Variants in TMEM178B observed in about 807,000 individuals in gnomAD.
TMEM178B encodes transmembrane protein 178B.
In TMEM178B, 5 loss-of-function variants were observed where a neutral mutation model predicts 31.0. That is an observed-to-expected ratio of 0.16 (90% CI 0.08 to 0.34). TMEM178B has a LOEUF of 0.34. Ranked by LOEUF, TMEM178B falls within the 10% of genes least tolerant of loss-of-function variation. The pLI is 1.00. For synonymous variants in TMEM178B, 164 were observed against 164.0 expected (o/e 1.00, Z 0.00); for missense variants, 275 against 400.3 (o/e 0.69, Z 2.67).
At chr7:141,148,955 C>T (rs1795905788) in intron 1 of TMEM178B, among the ~76,000 whole-genome samples, 1 of 152,110 alleles carries the variant, frequency 6.6e-6, no homozygotes, top group Non-Finnish European at 1.5e-5. Context: ...TGGTCCTTAG[C>T]TTGTCAGAGA....
chr7:141,079,218 T>C (rs1309158865), intron 1 of TMEM178B, among the ~76,000 whole-genome samples: 1 of 151,940 alleles, frequency 6.6e-6, no homozygotes, highest in Non-Finnish European at 1.5e-5. Context: ...ACCTAGGAGG[T>C]AGAGGTTGCG....
chr7:141,122,572 AT>A (rs1795427293), intron 1 of TMEM178B, among the ~76,000 whole-genome samples: 1 of 152,254 alleles, frequency 6.6e-6, no homozygotes, highest in Admixed American at 6.5e-5. Flanking sequence ...GACCACCAGC[AT>A]CGTGGGAGAT....
chr7:141,427,380 G>A (rs1801338113), intron 2 of TMEM178B, among the ~76,000 whole-genome samples: 1 of 152,150 alleles, frequency 6.6e-6, no homozygotes, highest in African/African-American at 2.4e-5. Context: ...GAACAGAATA[G>A]AGAGCCCAGA....
At chr7:141,123,625 T>C (rs552205867) in intron 1 of TMEM178B, among the ~76,000 whole-genome samples, 7 of 152,290 alleles carry the variant, frequency 4.6e-5, no homozygotes, top group Non-Finnish European at 1.0e-4. Context: ...GCTTCCTTCA[T>C]TGGTAGTGGG....
chr7:141,158,482 A>T (rs149973831), intron 1 of TMEM178B, among the ~76,000 whole-genome samples: 390 of 152,282 alleles, frequency 2.6e-3, no homozygotes, highest in African/African-American at 8.9e-3. Flanking sequence ...TTATATCCGG[A>T]TGTTGCTAAG....
At chr7:141,315,576 T>TA (rs1279932590) in intron 2 of TMEM178B, among the ~76,000 whole-genome samples, 2 of 152,244 alleles carry the variant, frequency 1.3e-5, no homozygotes, top group South Asian at 2.1e-4. Flanking sequence ...TCAACACTGA[T>TA]ACTCTGCACT....
At chr7:141,167,560 A>G (rs930923844) in intron 1 of TMEM178B, among the ~76,000 whole-genome samples, 1 of 152,162 alleles carries the variant, frequency 6.6e-6, no homozygotes, top group African/African-American at 2.4e-5. Flanking sequence ...GATCTATGTC[A>G]CTGACATCCC....
intron 2 of TMEM178B, among the ~76,000 whole-genome samples, chr7:141,233,560 A>G (rs1797480318): frequency 6.6e-6 from 1 of 152,152 alleles, no homozygotes; most frequent in Non-Finnish European, 1.5e-5. Context: ...GTTAAGAGCT[A>G]GACTGGGGGT....
intron 2 of TMEM178B, among the ~76,000 whole-genome samples, chr7:141,252,236 CA>C (rs1797845308): frequency 6.6e-6 from 1 of 152,100 alleles, no homozygotes; most frequent in Admixed American, 6.6e-5. Context: ...GGGAAGGTTG[CA>C]AAAGAGAAGG....
chr7:141,485,117 A>G (rs1380944049), downstream of TMEM178B, among the ~76,000 whole-genome samples: 1 of 152,152 alleles, frequency 6.6e-6, no homozygotes, highest in Non-Finnish European at 1.5e-5. Context: ...ATGGGTTTCA[A>G]TCACCACAGG....
intron 1 of TMEM178B, among the ~76,000 whole-genome samples, chr7:141,170,447 C>T (rs1210593072): frequency 6.6e-6 from 1 of 152,182 alleles, no homozygotes; most frequent in Non-Finnish European, 1.5e-5. Flanking sequence ...GCCATGAGAT[C>T]ATGGGTAAGT....
chr7:141,181,260 G>T (rs1323464388), intron 1 of TMEM178B, among the ~76,000 whole-genome samples: 2 of 152,184 alleles, frequency 1.3e-5, no homozygotes, highest in Non-Finnish European at 2.9e-5. Context: ...TAAGCCCTTT[G>T]AGGCCTCAAC....
At chr7:141,305,583 A>G (rs916580930) in intron 2 of TMEM178B, among the ~76,000 whole-genome samples, 3 of 151,996 alleles carry the variant, frequency 2.0e-5, no homozygotes, top group Non-Finnish European at 1.5e-5. Flanking sequence ...GAGTGCCACC[A>G]TGCCCAGCTA....
rs1353139042 is a variant in TMEM178B, at chr7:141,478,427, C to T, written c.*7641C>T. The T allele has an allele frequency of 6.6e-6, 1 of 152,176 alleles. No individual in the cohort carries two copies. The highest frequency in any genetic ancestry group is 1.9e-4 in the East Asian group (1 of 5,200). 9.4% of individuals were successfully genotyped at this position (152,176 alleles called of 1,614,324 possible). A position where few individuals can be genotyped will look rare whatever the true frequency, so the allele number is the denominator to read the frequency against. ...CCATGATTAGAGGCACCTTCAATCC[C>T]AACTTTCCTCTCCTCTGCTGGGTCA... On this transcript the variant is annotated 3_prime_UTR_variant, in exon 4 of 4. Transcript: ENST00000565468.
At chr7:141,358,164 G>T (rs1195151418) in intron 2 of TMEM178B, among the ~76,000 whole-genome samples, 1 of 152,064 alleles carries the variant, frequency 6.6e-6, no homozygotes, top group Admixed American at 6.6e-5. Context: ...TATTGAGCTT[G>T]GTCCCTAGCA....
chr7:141,342,836 C>T lies in TMEM178B; in HGVS notation c.497-94772C>T, dbSNP rs1294902251. On this transcript the variant is annotated intron_variant, in intron 2 of 3. Transcript: ENST00000565468. The stretch of plus-strand genomic sequence containing the variant: ...TCTCAGCTTGATTGACTGTTCTGCC[C>T]ACTGTCGGTAGGTTCTTCAAACCAT... Among the ~76,000 whole-genome samples the T allele has an allele frequency of 1.3e-5, 2 of 152,202 alleles. 1 individual carries two copies.
At chr7:141,189,183 C>T (rs1246038603) in intron 1 of TMEM178B, among the ~76,000 whole-genome samples, 1 of 152,266 alleles carries the variant, frequency 6.6e-6, no homozygotes, top group African/African-American at 2.4e-5. Context: ...GAATCCCTCA[C>T]TGCATTGTGC....
chr7:141,148,839 G>A (rs75729678), intron 1 of TMEM178B, among the ~76,000 whole-genome samples: 4 of 152,196 alleles, frequency 2.6e-5, no homozygotes, highest in East Asian at 3.9e-4. Flanking sequence ...TTCTGAAGAC[G>A]TGATGTCTAA....
chr7:141,092,891 A>G (rs1319303165), intron 1 of TMEM178B, among the ~76,000 whole-genome samples: 1 of 152,142 alleles, frequency 6.6e-6, no homozygotes, highest in Non-Finnish European at 1.5e-5. Flanking sequence ...GGGCTCTCTG[A>G]GGAAGAGGAT....
Sources: allele counts gnomAD v4.1 joint callset (sites outside exome capture counted in the v4.1 genomes callset), GRCh38; gene constraint gnomAD v4.1.1; transcripts MANE v1.5; gene names NCBI Gene and HGNC (gene_info 2026-07-23, HGNC 2026-07-21).